Variants in GAS5 observed in about 807,000 individuals in gnomAD.
The protein encoded by GAS5 is growth arrest specific 5, also known as growth arrest specific 5 (non-protein coding).
chr1:173,867,497 A>G (rs1654940487), upstream of GAS5: 1 of 370,264 alleles, frequency 2.7e-6, no homozygotes, highest in African/African-American at 2.1e-5. Context: ...GGGTGACAGA[A>G]CGAGGCTCGG....
chr1:173,864,012 CAG>C (rs1378401546), intron 7 of GAS5: 1 of 348,878 alleles, frequency 2.9e-6, no homozygotes, highest in Non-Finnish European at 5.8e-6. Flanking sequence ...CACTTGAGCC[CAG>C]AAGTTTGAGG....
intron 5 of GAS5, chr1:173,865,686 C>T (rs745669877): frequency 3.9e-6 from 2 of 519,130 alleles, no homozygotes; most frequent in African/African-American, 1.9e-5. Flanking sequence ...CATCATTACA[C>T]AAACCCCGTT....
chr1:173,865,810 C>T, intron 5 of GAS5: 1 of 514,074 alleles, frequency 1.9e-6, no homozygotes, highest in Non-Finnish European at 3.9e-6. Flanking sequence ...AGCATATCAC[C>T]ATCAGCATTT....
At chr1:173,867,156 A>G, upstream of GAS5, 2 of 584,594 alleles carry the variant, frequency 3.4e-6, no homozygotes, top group East Asian at 2.8e-5. Context: ...GTAACATACC[A>G]TTCATTATCT....
At chr1:173,864,808 T>G (rs1244431825) in intron 6 of GAS5, 1 of 518,940 alleles carries the variant, frequency 1.9e-6, no homozygotes, top group Non-Finnish European at 3.8e-6. Flanking sequence ...TTTCGGGGCA[T>G]AAACTAGAAT....
upstream of GAS5, chr1:173,867,704 ACT>A (rs747926353): frequency 9.6e-6 from 5 of 518,716 alleles, no homozygotes; most frequent in Admixed American, 1.9e-5. Context: ...ATTCATCATT[ACT>A]CTCAGATGTC....
At chr1:173,867,031 C>A in exon 1 of GAS5, 1 of 758,240 alleles carries the variant, frequency 1.3e-6, no homozygotes, top group African/African-American at 1.7e-5. Flanking sequence ...TGCATCTGCA[C>A]CCAGCACCAT....
chr1:173,863,933 CTG>C (rs909733593), intron 7 of GAS5: 21 of 263,474 alleles, frequency 8.0e-5, no homozygotes, highest in South Asian at 7.8e-4. Context: ...ATTGGAGACA[CTG>C]TTTTAATCTT....
chr1:173,867,622 A>C, upstream of GAS5: 1 of 518,110 alleles, frequency 1.9e-6, no homozygotes, highest in Non-Finnish European at 3.9e-6. Flanking sequence ...CGGCTGATGG[A>C]GGCTCGGGTC....
chr1:173,865,584 ACAT>A (rs1324580136), intron 5 of GAS5: 1 of 518,782 alleles, frequency 1.9e-6, no homozygotes, highest in South Asian at 1.4e-5. Flanking sequence ...AAAATGCTAA[ACAT>A]CATTAAACTC....
At chr1:173,866,937 C>T (rs771010903) in intron 1 of GAS5, 14 of 765,368 alleles carry the variant, frequency 1.8e-5, no homozygotes, top group East Asian at 1.2e-4. Context: ...GCATCACAGG[C>T]TGAGACCACC....
At chr1:173,864,949 TG>T (rs774195720) in intron 6 of GAS5, 3 of 514,436 alleles carry the variant, frequency 5.8e-6, no homozygotes, top group South Asian at 4.2e-5. Flanking sequence ...CGGGGCATGG[TG>T]GCTCACGCCT....
rs964809795 is a variant in GAS5 at position 173,866,226 on chromosome 1, T to C, written n.132-20A>G. On this transcript the variant is annotated intron_variant and non_coding_transcript_variant, in intron 3 of 7. Coordinates refer to ENST00000651080, the Ensembl canonical transcript of GAS5. ...TAATGCCTGTAATTTTAATACAAAA[T>C]TGTCAGCAAAAAATATTTTAATGGT... 1.0e-5 allele frequency: 5 copies of C among 485,454 alleles called. No individual in the cohort carries two copies. Among genetic ancestry groups the C allele is most frequent in the African/African-American group, 3.9e-5 (2 of 50,688 alleles). The allele number at this position is 485,454 out of a possible 1,614,324, so 30.1% of individuals were successfully genotyped here.
upstream of GAS5, chr1:173,867,757 C>A: frequency 1.9e-6 from 1 of 519,134 alleles, no homozygotes; most frequent in Non-Finnish European, 3.8e-6. Context: ...GCACGAGAGC[C>A]GAGGCTTCTC....
At chr1:173,866,652 G>A (rs751355431) in intron 2 of GAS5, 2 of 764,442 alleles carry the variant, frequency 2.6e-6, no homozygotes, top group Non-Finnish European at 2.4e-6. Flanking sequence ...TTAAGATAAT[G>A]GTGGTTAAGA....
At chr1:173,866,545 G>GAGTT in exon 3 of GAS5, 1 of 738,212 alleles carries the variant, frequency 1.4e-6, no homozygotes, top group Non-Finnish European at 2.5e-6. Flanking sequence ...CCAATGGCTT[G>GAGTT]AGTTAGGCTT....
intron 1 of GAS5, chr1:173,866,977 TCC>T (rs1557874381): frequency 1.3e-6 from 1 of 765,446 alleles, no homozygotes; most frequent in South Asian, 1.3e-5. Flanking sequence ...CACCATACTT[TCC>T]CCAATTCTTA....
chr1:173,866,710 G>A (rs1654738733), intron 2 of GAS5: 1 of 765,316 alleles, frequency 1.3e-6, no homozygotes, highest in African/African-American at 1.7e-5. Flanking sequence ...TGTCATCATT[G>A]TGGCACATCC....
At chr1:173,868,709 C>G (rs911354645), upstream of GAS5, 1 of 152,898 alleles carries the variant, frequency 6.5e-6, no homozygotes, top group Non-Finnish European at 1.5e-5. Flanking sequence ...CGCCCGCCGC[C>G]GCCTGGAGCC....
Sources: allele counts gnomAD v4.1 joint callset, GRCh38; gene constraint gnomAD v4.1.1; transcripts MANE v1.5; gene names NCBI Gene and HGNC (gene_info 2026-07-23, HGNC 2026-07-21).